DDX1: variants seen among roughly 807,000 people sequenced by gnomAD.
DDX1 encodes DEAD-box helicase 1.
Under a neutral mutation model 108.7 loss-of-function variants are expected in DDX1, and 28 were observed. The ratio of observed to expected loss-of-function variants is 0.26; its 90% confidence interval spans 0.19 to 0.35. The LOEUF (loss-of-function observed/expected upper bound fraction) is 0.35. Ranked by LOEUF, DDX1 falls within the 10% of genes least tolerant of loss-of-function variation. The pLI, the probability that DDX1 is intolerant of heterozygous loss-of-function variation, is 1.00. For synonymous variants in DDX1, 295 were observed against 288.9 expected (o/e 1.02, Z -0.21); for missense variants, 710 against 884.5 (o/e 0.80, Z 2.50).
intron 3 of DDX1, 35 bp downstream of exon 3, chr2:15,595,588 G>A (rs768719900): frequency 2.8e-6 from 4 of 1,412,966 alleles, no homozygotes; most frequent in Admixed American, 1.7e-5. Context: ...TTGGTAGCTG[G>A]GGACACACTC....
chr2:15,610,862 GTT>G (rs35794915), intron 13 of DDX1, among the ~76,000 whole-genome samples: 36,280 of 149,768 alleles, frequency 0.24, 5,379 homozygotes, highest in African/African-American at 0.42. Context: ...CCCCAGACTT[GTT>G]TTTTTTTTTA....
chr2:15,605,867 G>A, intron 10 of DDX1, 83 bp from the exon 11 acceptor site: 1 of 941,504 alleles, frequency 1.1e-6, no homozygotes, highest in Non-Finnish European at 1.6e-6. Flanking sequence ...ATGAATGCAG[G>A]TAAGCTGGTA....
At chr2:15,616,105 G>T (rs1665889454) in intron 14 of DDX1, among the ~76,000 whole-genome samples, 3 of 151,802 alleles carry the variant, frequency 2.0e-5, no homozygotes, top group African/African-American at 2.4e-5. Flanking sequence ...TAGAGACGGG[G>T]TTTCACCATT....
chr2:15,593,170 C>T (rs1046137297), intron 1 of DDX1, among the ~76,000 whole-genome samples: 3 of 152,160 alleles, frequency 2.0e-5, no homozygotes, highest in Non-Finnish European at 4.4e-5. Flanking sequence ...GATCCGCTCA[C>T]CTCGGCTTCC....
At chr2:15,611,781 C>CA (rs1665768067) in intron 13 of DDX1, among the ~76,000 whole-genome samples, 1 of 89,762 alleles carries the variant, frequency 1.1e-5, no homozygotes, top group Non-Finnish European at 2.1e-5. Flanking sequence ...GCTGGCCGGG[C>CA]GGGGGGCTGA....
chr2:15,603,896 C>A lies in DDX1; in HGVS notation c.552+6C>A. 1 of 1,596,328 alleles carries A rather than the reference C, an allele frequency of 6.3e-7. No individual in the cohort carries two copies. Among genetic ancestry groups the A allele is most frequent in the Non-Finnish European group, 8.6e-7 (1 of 1,166,904 alleles). On this transcript the variant is annotated splice_donor_region_variant and intron_variant, in intron 9 of 25. Transcript: ENST00000233084. ...AATTTGATAATTATGGAGAGGTAAG[C>A]GATTATGTTATGACTTCAACATAGC...
chr2:15,625,792 G>A (rs113723638), intron 19 of DDX1, among the ~76,000 whole-genome samples: 2,708 of 152,102 alleles, frequency 0.018, 76 homozygotes, highest in African/African-American at 0.058. Context: ...ACTGATGTAC[G>A]TCAAGGAAAT....
rs1208066678 is a variant in DDX1, at chr2:15,620,209, T to C, written c.1208T>C (p.Val403Ala). 1.2e-6 allele frequency: 2 copies of C among 1,612,832 alleles called. No individual in the cohort carries two copies. Among genetic ancestry groups the C allele is most frequent in the Non-Finnish European group, 1.7e-6 (2 of 1,179,626 alleles). ...QVTSDGKRLQ[V>A]IVCSATLHSF... ...CAATTTGGGGTTTCCTCTTCTTAGG[T>C]GATTGTTTGCTCTGCCACTTTGCAT... The change falls in exon 17 of 26, where the codon GTG becomes GCG. Residue 403 changes from valine to alanine, a missense_variant and splice_region_variant. This residue lies in a region of DDX1 where 661 missense variants were observed against 810.2 expected (regional missense o/e 0.82). Transcript: ENST00000233084.
chr2:15,611,679 C>T (rs1363231716), intron 13 of DDX1, among the ~76,000 whole-genome samples: 2 of 112,488 alleles, frequency 1.8e-5, no homozygotes, highest in African/African-American at 4.6e-5. Context: ...GGCGGCTGGC[C>T]GGGCGGGGGG....
In DDX1 at chr2:15,620,321, T is replaced by A. The variant is rs201609200; in HGVS notation, c.1320T>A (p.Thr440=). The stretch of plus-strand genomic sequence containing the variant: ...AAGGAGAAGACTCTGTTCCAGATAC[T>A]GTACACCATGTTGTTGTCCCAGTAA... ...DLKGEDSVPD[T]VHHVVVPVNP... is the part of the protein sequence containing the mutation. Residue 440 remains threonine (T), a synonymous_variant, in exon 17 of 26, where the codon ACT becomes ACA. Coordinates refer to ENST00000233084, the MANE Select transcript of DDX1 (RefSeq NM_004939.3). 6.8e-6 allele frequency: 11 copies of A among 1,614,080 alleles called. No individual in the cohort carries two copies.
chr2:15,625,387 C>G (rs1666084435), intron 19 of DDX1, among the ~76,000 whole-genome samples: 1 of 152,128 alleles, frequency 6.6e-6, no homozygotes, highest in Admixed American at 6.5e-5. Context: ...ATGGGACTTT[C>G]TCAGCAAATC....
Position 15,628,722 on chromosome 2 carries a change from A to G in DDX1, c.1832+12A>G, listed in dbSNP as rs549735640. 1.8e-5 allele frequency: 29 copies of G among 1,611,924 alleles called. No homozygotes were observed. In the South Asian group the frequency reaches 2.7e-4, roughly 15 times the overall value. On this transcript the variant is annotated intron_variant, in intron 22 of 25. Coordinates refer to ENST00000233084, the MANE Select transcript of DDX1 (RefSeq NM_004939.3). ...GGAAGAGCTGAAAGGTACTTCTGCA[A>G]TTTTTTTTCCCCCATTTTTAAGCTT...
intron 3 of DDX1, among the ~76,000 whole-genome samples, chr2:15,596,080 T>C (rs1219954697): frequency 6.6e-6 from 1 of 152,062 alleles, no homozygotes; most frequent in African/African-American, 2.4e-5. Flanking sequence ...AGAGACAGGG[T>C]CTCACTATGC....
intron 10 of DDX1, among the ~76,000 whole-genome samples, chr2:15,605,305 G>A (rs796078706): frequency 1.7e-4 from 26 of 152,178 alleles, no homozygotes; most frequent in African/African-American, 5.8e-4. Flanking sequence ...AGCAAATTGA[G>A]GAGAATCCAG....
chr2:15,615,232 G>A (rs891479918), intron 14 of DDX1, among the ~76,000 whole-genome samples: 1 of 152,150 alleles, frequency 6.6e-6, no homozygotes, highest in Non-Finnish European at 1.5e-5. Context: ...TAGTCTTACG[G>A]TATTATGCAA....
At chr2:15,615,654 T>C (rs1159769596) in intron 14 of DDX1, among the ~76,000 whole-genome samples, 1 of 152,194 alleles carries the variant, frequency 6.6e-6, no homozygotes, top group Non-Finnish European at 1.5e-5. Context: ...AAGTTCTGTT[T>C]ATTCGAGGGG....
chr2:15,613,994 G>A (rs1193800877), intron 14 of DDX1, among the ~76,000 whole-genome samples: 2 of 151,982 alleles, frequency 1.3e-5, no homozygotes, highest in South Asian at 4.1e-4. Flanking sequence ...CCGCCACCAT[G>A]TTGGCTGATT....
At chr2:15,618,317 A>G in intron 16 of DDX1, 47 bp downstream of exon 16, 1 of 982,452 alleles carries the variant, frequency 1.0e-6, no homozygotes, top group South Asian at 1.5e-5. Context: ...AACAATTGTT[A>G]TGTATAATGT....
At chr2:15,595,330 A>T in intron 2 of DDX1, 134 bp downstream of exon 2, 1 of 940,876 alleles carries the variant, frequency 1.1e-6, no homozygotes, top group Non-Finnish European at 1.6e-6. Context: ...TTTCTAAATT[A>T]TGGAAAGTTT....
Sources: allele counts gnomAD v4.1 joint callset (sites outside exome capture counted in the v4.1 genomes callset), GRCh38; gene constraint gnomAD v4.1.1; regional missense constraint gnomAD v4.1.1; transcripts MANE v1.5; gene names NCBI Gene and HGNC (gene_info 2026-07-23, HGNC 2026-07-21).